The following CTNNA3 variants were observed in gnomAD, a reference collection of about 807,000 sequenced individuals.
CTNNA3 encodes catenin alpha-3.
CTNNA3 carries 76 observed loss-of-function variants against 95.7 expected under a neutral mutation model. The ratio of observed to expected loss-of-function variants is 0.79; its 90% CI spans 0.66 to 0.96. The LOEUF (loss-of-function observed/expected upper bound fraction) is 0.96, where lower values mean the gene tolerates loss of function less well. CTNNA3 is among the 40% of genes least tolerant of loss of function. The pLI is 0.00. For missense variants in CTNNA3, 1,191 were observed against 1,089.8 expected, an observed-to-expected ratio of 1.09 and a Z score of -1.31; for synonymous variants, 431 against 374.4, an observed-to-expected ratio of 1.15 and a Z score of -1.74.
chr10:66,834,887 T>C (rs1842838549), intron 7 of CTNNA3, among the ~76,000 whole-genome samples: 1 of 152,292 alleles, frequency 6.6e-6, no homozygotes, highest in African/African-American at 2.4e-5. Context: ...CTCAGGTGCA[T>C]TAAGTTATCC....
At chr10:67,343,624 ATTTG>A (rs200145494) in intron 5 of CTNNA3, among the ~76,000 whole-genome samples, 7,629 of 152,170 alleles carry the variant, frequency 0.05, 227 homozygotes, top group South Asian at 0.096. Flanking sequence ...GCTTTACTGA[ATTTG>A]TTTATCAGTT....
At chr10:67,727,957 AATAT>A (rs1477262247) in intron 1 of CTNNA3, among the ~76,000 whole-genome samples, 1 of 133,260 alleles carries the variant, frequency 7.5e-6, no homozygotes, top group East Asian at 2.0e-4. Flanking sequence ...TAGTATGTAT[AATAT>A]ATAATAGATG....
At chr10:66,379,633 G>A (rs538108386) in intron 11 of CTNNA3, among the ~76,000 whole-genome samples, 1 of 152,220 alleles carries the variant, frequency 6.6e-6, no homozygotes, top group Admixed American at 6.5e-5. Context: ...ATTTTAGACT[G>A]ACATAGAGGT....
At chr10:66,315,560 C>T (rs763451404) in intron 12 of CTNNA3, among the ~76,000 whole-genome samples, 6 of 151,458 alleles carry the variant, frequency 4.0e-5, no homozygotes, top group Non-Finnish European at 7.4e-5. Context: ...GAACACTGAT[C>T]GTAACTTGGT....
At chr10:66,711,378 A>T (rs1219129811) in intron 9 of CTNNA3, among the ~76,000 whole-genome samples, 3 of 151,934 alleles carry the variant, frequency 2.0e-5, no homozygotes, top group African/African-American at 7.3e-5. Context: ...GCTATATATC[A>T]TGAAATATAT....
chr10:65,989,115 A>G (rs1313418223), intron 15 of CTNNA3, among the ~76,000 whole-genome samples: 1 of 151,890 alleles, frequency 6.6e-6, no homozygotes, highest in Non-Finnish European at 1.5e-5. Context: ...TAATTTTTGT[A>G]TTTTTAGTAG....
At chr10:66,886,296 C>CTCAGGCAGATTTGTGATCTA (rs1845041772) in intron 7 of CTNNA3, among the ~76,000 whole-genome samples, 1 of 152,038 alleles carries the variant, frequency 6.6e-6, no homozygotes, top group African/African-American at 2.4e-5. Flanking sequence ...CATTTGTGAC[C>CTCAGGCAGATTTGTGATCTA]TCAGGCAGGA....
At chr10:66,665,732 G>A (rs993141677) in intron 9 of CTNNA3, among the ~76,000 whole-genome samples, 2 of 152,136 alleles carry the variant, frequency 1.3e-5, no homozygotes, top group African/African-American at 4.8e-5. Context: ...AGATGACAGT[G>A]TCAGAAATTC....
At chr10:66,940,863 A>C (rs1435267364) in intron 7 of CTNNA3, among the ~76,000 whole-genome samples, 2 of 152,206 alleles carry the variant, frequency 1.3e-5, no homozygotes, top group Admixed American at 1.3e-4. Context: ...GTAATATGAC[A>C]AAACAGATTT....
intron 7 of CTNNA3, among the ~76,000 whole-genome samples, chr10:67,043,738 G>T (rs935376928): frequency 4.0e-5 from 6 of 151,892 alleles, no homozygotes; most frequent in African/African-American, 1.5e-4. Flanking sequence ...ATCTATCATT[G>T]GTATTTGTGC....
chr10:66,898,103 C>T (rs1208918710), intron 7 of CTNNA3, among the ~76,000 whole-genome samples: 1 of 152,108 alleles, frequency 6.6e-6, no homozygotes, highest in African/African-American at 2.4e-5. Flanking sequence ...TCATAAGGAA[C>T]AATAACTGCA....
chr10:66,593,297 C>A (rs1564554947), intron 10 of CTNNA3, among the ~76,000 whole-genome samples: 1 of 152,054 alleles, frequency 6.6e-6, no homozygotes, highest in Non-Finnish European at 1.5e-5. Context: ...GTACTCCCAC[C>A]ATGGCCAGTT....
At chr10:66,480,513 T>C (rs1839482751) in intron 11 of CTNNA3, among the ~76,000 whole-genome samples, 1 of 152,184 alleles carries the variant, frequency 6.6e-6, no homozygotes. Flanking sequence ...ATATATGTCA[T>C]TATAAAACAG....
intron 1 of CTNNA3, among the ~76,000 whole-genome samples, chr10:67,678,740 C>T (rs1403276187): frequency 6.6e-6 from 1 of 152,076 alleles, no homozygotes; most frequent in African/African-American, 2.4e-5. Context: ...AGATGGTATA[C>T]AAGGAGCCTT....
chr10:67,107,975 C>G (rs1286011981), intron 7 of CTNNA3, among the ~76,000 whole-genome samples: 2 of 152,212 alleles, frequency 1.3e-5, no homozygotes. Context: ...CAATAAAACC[C>G]TGTCTTACTC....
chr10:65,966,835 A>G, intron 16 of CTNNA3, 89 bp from the exon 17 acceptor site: 1 of 983,032 alleles, frequency 1.0e-6, no homozygotes, highest in Non-Finnish European at 1.5e-6. Context: ...CATGGCAGGT[A>G]CCTTATAAAG....
chr10:66,147,534 T>G (rs1008760918), intron 13 of CTNNA3, among the ~76,000 whole-genome samples: 1 of 151,378 alleles, frequency 6.6e-6, no homozygotes, highest in Non-Finnish European at 1.5e-5. Flanking sequence ...TTTTAAAGGC[T>G]ACATAATACT....
At chr10:66,947,354 T>C (rs1252679381) in intron 7 of CTNNA3, among the ~76,000 whole-genome samples, 1 of 152,208 alleles carries the variant, frequency 6.6e-6, no homozygotes, top group African/African-American at 2.4e-5. Flanking sequence ...CACTCAATGC[T>C]GGTTTTACTA....
Position 66,927,813 on chromosome 10 carries a change from T to A in CTNNA3, c.1048-152289A>T. The stretch of plus-strand genomic sequence containing the variant: ...CATTTATTGGTCAAGAGATTTTGGA[T>A]TCTTGGATATCCCTCAATGACATCA... On this transcript the variant is annotated intron_variant, in intron 7 of 17. Transcript: ENST00000433211. This position sits in a 1 kb window ranked among gnomAD's most constrained non-coding sequence, Gnocchi z 4.7. 6.2e-7 allele frequency: 1 copy of A among 1,614,234 alleles called. No individual in the cohort carries two copies. Among genetic ancestry groups the A allele is most frequent in the Non-Finnish European group, 8.5e-7 (1 of 1,180,040 alleles).
Sources: allele counts gnomAD v4.1 joint callset (sites outside exome capture counted in the v4.1 genomes callset), GRCh38; gene constraint gnomAD v4.1.1; non-coding constraint Gnocchi (gnomAD v3.1); transcripts MANE v1.5; gene names NCBI Gene and HGNC (gene_info 2026-07-23, HGNC 2026-07-21).